EXOC3L2: variants seen among roughly 807,000 people sequenced by gnomAD.
The protein encoded by EXOC3L2 is exocyst complex component 3-like protein 2.
Under a neutral mutation model 44.4 loss-of-function variants are expected in EXOC3L2, and 17 were observed. That is an observed-to-expected ratio of 0.38 (90% CI 0.26 to 0.57). EXOC3L2 has a LOEUF of 0.57. Ranked by LOEUF, EXOC3L2 falls within the 20% of genes least tolerant of loss-of-function variation. The pLI is 0.65. For missense variants in EXOC3L2, 541 were observed against 588.4 expected (o/e 0.92, Z 0.83); for synonymous variants, 256 against 253.7 (o/e 1.01, Z -0.09).
chr19:45,223,634 A>C (rs1351115631), intron 8 of EXOC3L2, among the ~76,000 whole-genome samples: 1 of 147,402 alleles, frequency 6.8e-6, no homozygotes, highest in African/African-American at 2.5e-5. Flanking sequence ...GAGCCACCGC[A>C]CCCAGTCAGA....
chr19:45,220,728 G>A (rs10406604), intron 8 of EXOC3L2, among the ~76,000 whole-genome samples: 23,323 of 151,816 alleles, frequency 0.15, 2,595 homozygotes, highest in African/African-American at 0.31. Context: ...AGAAGCCCCA[G>A]CTTTCTCCTG....
intron 4 of EXOC3L2, among the ~76,000 whole-genome samples, chr19:45,231,546 T>C (rs1398377125): frequency 6.6e-6 from 1 of 152,122 alleles, no homozygotes; most frequent in Non-Finnish European, 1.5e-5. Flanking sequence ...AACTTTCTTG[T>C]ACTCTAAGGT....
At chr19:45,229,982 CTAT>C (rs761217982) in intron 4 of EXOC3L2, among the ~76,000 whole-genome samples, 5 of 148,934 alleles carry the variant, frequency 3.4e-5, no homozygotes, top group African/African-American at 4.9e-5. Flanking sequence ...AATATAAATC[CTAT>C]TATTACATAT....
chr19:45,233,601 T>C (rs1217345769), intron 3 of EXOC3L2, among the ~76,000 whole-genome samples: 1 of 152,124 alleles, frequency 6.6e-6, no homozygotes. Context: ...CCCACCGTGC[T>C]GAGCTACTAG....
At chr19:45,232,257 G>A (rs1033255108) in intron 3 of EXOC3L2, among the ~76,000 whole-genome samples, 5 of 151,956 alleles carry the variant, frequency 3.3e-5, no homozygotes, top group Admixed American at 1.3e-4. Flanking sequence ...CACCTTCTAC[G>A]AGCTTACATG....
At chr19:45,225,113 G>A (rs1380295479) in intron 7 of EXOC3L2, among the ~76,000 whole-genome samples, 200 bp from the exon 8 acceptor site, 1 of 149,976 alleles carries the variant, frequency 6.7e-6, no homozygotes, top group African/African-American at 2.5e-5. Context: ...GTCTGGGGAC[G>A]TCAGGGGACT....
In EXOC3L2 at chr19:45,239,804, G is replaced by C. The variant is rs1410360915; in HGVS notation, c.-16-743C>G. On this transcript the variant is annotated intron_variant, in intron 1 of 11. Transcript: ENST00000413988. The stretch of plus-strand genomic sequence containing the variant: ...CAAAGTGCTGGGATTACAAGAGTGA[G>C]CCACCTCTGCTGGCCTGGAATATTC... Among the ~76,000 whole-genome samples, 3 of 152,006 alleles carry C rather than the reference G, an allele frequency of 2.0e-5. 1 individual carries two copies. The highest frequency in any genetic ancestry group is 2.9e-5 in the Non-Finnish European group (2 of 67,994).
At chr19:45,230,333 C>A (rs539265694) in intron 4 of EXOC3L2, among the ~76,000 whole-genome samples, 18 of 152,182 alleles carry the variant, frequency 1.2e-4, no homozygotes, top group Non-Finnish European at 2.4e-4. Flanking sequence ...ATTCTCCTGC[C>A]TCAGCCTCCA....
chr19:45,235,342 C>T (rs1300202496), intron 2 of EXOC3L2, among the ~76,000 whole-genome samples: 3 of 151,952 alleles, frequency 2.0e-5, no homozygotes, highest in South Asian at 4.2e-4. Context: ...AAGAAAAATG[C>T]CTGTGACTGA....
At chr19:45,224,045 G>C (rs1969927746) in intron 8 of EXOC3L2, among the ~76,000 whole-genome samples, 1 of 152,024 alleles carries the variant, frequency 6.6e-6, no homozygotes, top group African/African-American at 2.4e-5. Flanking sequence ...GGCTGTGAGA[G>C]GGAGAGCATT....
chr19:45,224,244 C>T (rs985983746), intron 8 of EXOC3L2, among the ~76,000 whole-genome samples: 1 of 151,706 alleles, frequency 6.6e-6, no homozygotes, highest in African/African-American at 2.4e-5. Flanking sequence ...CTGATTGTGC[C>T]GGGTTGTGGG....
intron 1 of EXOC3L2, among the ~76,000 whole-genome samples, chr19:45,240,832 A>G (rs1970125557): frequency 6.6e-6 from 1 of 152,082 alleles, no homozygotes. Flanking sequence ...TGAACCCAGG[A>G]GGCAGAAGTT....
chr19:45,213,341 C>A lies in EXOC3L2; in HGVS notation c.2137G>T (p.Ala713Ser). The change falls in exon 12 of 12, where the codon GCC becomes TCC. Residue 713 changes from alanine to serine, a missense_variant. Coordinates refer to ENST00000413988, the MANE Select transcript of EXOC3L2 (RefSeq NM_001382422.1). ...CGCAGGCCACGGATGTCGAGGAGGG[C>A]TGCCACGTGCTTCTGCCTGTGGGGA... ...YPDIRQKHVA[A>S]LLDIRGLRNT... 6.2e-7 allele frequency: 1 copy of A among 1,613,448 alleles called. No individual in the cohort carries two copies. Among genetic ancestry groups the A allele is most frequent in the Non-Finnish European group, 8.5e-7 (1 of 1,179,728 alleles).
rs746682261 is a variant in EXOC3L2 at position 45,227,692 on chromosome 19, A to G, written c.1553T>C (p.Ile518Thr). 1.2e-6 allele frequency: 2 copies of G among 1,612,510 alleles called. No individual in the cohort carries two copies. Among genetic ancestry groups the G allele is most frequent in the African/African-American group, 2.7e-5 (2 of 74,834 alleles). Residue 518 changes from isoleucine to threonine, a missense_variant, in exon 7 of 12, where the codon ATC becomes ACC. Coordinates refer to ENST00000413988, the MANE Select transcript of EXOC3L2 (RefSeq NM_001382422.1). ...MLPDTYISKTIALVNCGPPLR... is the reference protein window; with the variant it reads ...MLPDTYISKTTALVNCGPPLR... ...TGGGGGGCCGCAGTTGACCAGGGCG[A>G]TGGTCTTGCTGATATAGGTGTCAGG...
At chr19:45,223,972 C>T (rs1439029552) in intron 8 of EXOC3L2, among the ~76,000 whole-genome samples, 4 of 151,868 alleles carry the variant, frequency 2.6e-5, no homozygotes, top group African/African-American at 7.3e-5. Context: ...CCAGCCTGGG[C>T]GACACAGGGA....
At chr19:45,229,956 CTTAATA>C (rs909664134) in intron 4 of EXOC3L2, among the ~76,000 whole-genome samples, 7 of 145,504 alleles carry the variant, frequency 4.8e-5, no homozygotes, top group East Asian at 1.9e-4. Flanking sequence ...ATAATGTATA[CTTAATA>C]TTTATATTAA....
In EXOC3L2 at chr19:45,231,798, G is replaced by A. The variant is rs370356838; in HGVS notation, c.1234C>T (p.Arg412Trp). 20 of 1,610,316 alleles carry A rather than the reference G, an allele frequency of 1.2e-5. No homozygotes were observed. The highest frequency in any genetic ancestry group is 2.7e-5 in the African/African-American group (2 of 74,848). Residue 412 changes from arginine to tryptophan, a missense_variant, in exon 4 of 12, where the codon CGG (arginine) becomes TGG (tryptophan). Physicochemically the swap from Arg to Trp is moderately radical, Grantham distance 101. Transcript: ENST00000413988. ...LGPLLSPGTL[R>W]GLEDECVTDV... ...GTGACGCATTCATCCTCCAAACCCC[G>A]CAGGGTGCCAGGGGAGAGAAGGGGC...
chr19:45,244,248 G>A (rs1970152313), intron 1 of EXOC3L2, among the ~76,000 whole-genome samples: 1 of 151,878 alleles, frequency 6.6e-6, no homozygotes, highest in South Asian at 2.1e-4. Context: ...CTCTGAACTG[G>A]CATCCACATG....
In EXOC3L2 at chr19:45,243,254, C is replaced by T. The variant is rs146254530; in HGVS notation, c.-17+2087G>A. On this transcript the variant is annotated intron_variant, in intron 1 of 11. Transcript: ENST00000413988. ...GTTCACTTGTTCTTCTATTGCTGGA[C>T]GTGTAGCTTGTTTGTCACCACGACA... Among the ~76,000 whole-genome samples the T allele has an allele frequency of 7.6e-4, 116 of 152,270 alleles. 2 individuals are homozygous for T. The East Asian group carries it at 0.015, about 20-fold the overall frequency.
Sources: gnomAD v4.1 joint callset for allele counts (sites outside exome capture counted in the v4.1 genomes callset) on GRCh38, gnomAD v4.1.1 for gene constraint, MANE v1.5 for transcripts, NCBI Gene and HGNC (gene_info 2026-07-23, HGNC 2026-07-21) for gene names.